RBFOX3: variants seen among roughly 807,000 people sequenced by gnomAD.
RBFOX3 encodes RNA binding protein fox-1 homolog 3.
RBFOX3 carries 17 observed loss-of-function variants against 48.7 expected under a neutral mutation model. The observed-to-expected ratio is 0.35, with a 90% CI of 0.24 to 0.52. The LOEUF (loss-of-function observed/expected upper bound fraction) is 0.52. Ranked by LOEUF, RBFOX3 falls within the 20% of genes least tolerant of loss-of-function variation. The pLI, the probability that RBFOX3 is intolerant of heterozygous loss-of-function variation, is 0.94. For missense variants in RBFOX3, 382 were observed against 497.5 expected, an observed-to-expected ratio of 0.77 and a Z score of 2.21; for synonymous variants, 212 against 209.5, an observed-to-expected ratio of 1.01 and a Z score of -0.10.
intron 3 of RBFOX3, among the ~76,000 whole-genome samples, chr17:79,269,416 T>C (rs2067276621): frequency 6.6e-6 from 1 of 152,122 alleles, no homozygotes; most frequent in African/African-American, 2.4e-5. Flanking sequence ...AAGTCACAGG[T>C]CACTGTCCAG....
At chr17:79,468,937 A>AGGATGGAT (rs199614550) in intron 2 of RBFOX3, among the ~76,000 whole-genome samples, 965 of 90,022 alleles carry the variant, frequency 0.011, 9 homozygotes, top group African/African-American at 0.03. Flanking sequence ...TAGAGACGGG[A>AGGATGGAT]GGATGGATGG....
chr17:79,109,338 G>A (rs143241645), intron 5 of RBFOX3, among the ~76,000 whole-genome samples: 1 of 152,284 alleles, frequency 6.6e-6, no homozygotes, highest in Non-Finnish European at 1.5e-5. Context: ...ACAGGCCTCC[G>A]GAGACTCCTG....
At chr17:79,367,488 C>T (rs192217577) in intron 2 of RBFOX3, among the ~76,000 whole-genome samples, 2 of 151,990 alleles carry the variant, frequency 1.3e-5, no homozygotes, top group South Asian at 2.1e-4. Context: ...CAGCAGTTAG[C>T]GATGAGCACT....
At chr17:79,422,977 G>A (rs909902755) in intron 2 of RBFOX3, among the ~76,000 whole-genome samples, 1 of 151,798 alleles carries the variant, frequency 6.6e-6, no homozygotes, top group African/African-American at 2.4e-5. Context: ...ACGTGAGGTC[G>A]CAGGGAGAAG....
chr17:79,387,350 TAAC>T (rs1415962207), intron 2 of RBFOX3, among the ~76,000 whole-genome samples: 1 of 152,238 alleles, frequency 6.6e-6, no homozygotes, highest in Non-Finnish European at 1.5e-5. Context: ...CCTATTATTC[TAAC>T]AACTCACAGG....
chr17:79,320,823 G>A (rs1055406876), intron 2 of RBFOX3, among the ~76,000 whole-genome samples: 1 of 151,724 alleles, frequency 6.6e-6, no homozygotes, highest in African/African-American at 2.4e-5. Flanking sequence ...CAACTTTGAG[G>A]TGCTGTTCTA....
At chr17:79,097,490 C>G in intron 10 of RBFOX3, 66 bp from the exon 11 acceptor site, 14 of 1,455,944 alleles carry the variant, frequency 9.6e-6, no homozygotes, top group Non-Finnish European at 1.1e-5. Flanking sequence ...ACCCCCTCCC[C>G]GTACACCTAG....
intron 4 of RBFOX3, among the ~76,000 whole-genome samples, chr17:79,122,287 A>C (rs531202790): frequency 1.3e-5 from 2 of 152,246 alleles, no homozygotes; most frequent in Admixed American, 1.3e-4. Flanking sequence ...TGTCCTCTGC[A>C]CAGTAGAACC....
In RBFOX3 at chr17:79,255,113, C is replaced by T. The variant is rs375227007; in HGVS notation, c.-73-19308G>A. Among the ~76,000 whole-genome samples, 366 of 152,274 alleles carry T rather than the reference C, an allele frequency of 2.4e-3. 1 individual carries two copies. The highest frequency in any genetic ancestry group is 8.1e-3 in the African/African-American group (337 of 41,552). The stretch of plus-strand genomic sequence containing the variant: ...TTGACCCCTCAGAAACTTGACCTCT[C>T]TCCAGGCTTTTCCTATGGGGCCTAC... On this transcript the variant is annotated intron_variant, in intron 3 of 14. Coordinates refer to ENST00000693108, the MANE Select transcript of RBFOX3 (RefSeq NM_001350451.2).
chr17:79,297,618 G>A (rs983017160), intron 3 of RBFOX3, among the ~76,000 whole-genome samples: 2 of 152,266 alleles, frequency 1.3e-5, no homozygotes, highest in African/African-American at 4.8e-5. Flanking sequence ...GGTGGCCATA[G>A]GCCAGGGCAC....
At chr17:79,638,115 A>G in the RBFOX3 span, among the ~76,000 whole-genome samples, 19 of 152,264 alleles carry the variant, frequency 1.2e-4, no homozygotes, top group African/African-American at 4.6e-4. Context: ...GCTTATTAAA[A>G]TAAATGCCTA....
At chr17:79,282,417 C>A (rs1333053137) in intron 3 of RBFOX3, among the ~76,000 whole-genome samples, 1 of 152,216 alleles carries the variant, frequency 6.6e-6, no homozygotes, top group Non-Finnish European at 1.5e-5. Context: ...CTCTCGGGAG[C>A]TTAATTTCAT....
chr17:79,441,811 C>T (rs1056484187), intron 2 of RBFOX3, among the ~76,000 whole-genome samples: 6 of 152,166 alleles, frequency 3.9e-5, no homozygotes, highest in African/African-American at 1.4e-4. Flanking sequence ...CCACAGGCCT[C>T]GGCCAGCCAG....
chr17:79,092,079 G>A, intron 14 of RBFOX3: 1 of 985,496 alleles, frequency 1.0e-6, no homozygotes, highest in Non-Finnish European at 1.2e-6. Context: ...CACACTGGGT[G>A]CCTGGAGCCC....
In RBFOX3 at chr17:79,202,545, C is replaced by A. The variant is rs972337515; in HGVS notation, c.-34+33221G>T. 1.3e-5 allele frequency among the ~76,000 whole-genome samples: 2 copies of A among 152,226 alleles called. 1 individual carries two copies. Among genetic ancestry groups the A allele is most frequent in the Admixed American group, 1.3e-4 (2 of 15,292 alleles). On this transcript the variant is annotated intron_variant, in intron 4 of 14. Coordinates refer to ENST00000693108, the MANE Select transcript of RBFOX3 (RefSeq NM_001350451.2). ...GAATTCTTACAACAACCCCATGGGA[C>A]GGTTATGACTATGTCAGTGTTACAT...
chr17:79,161,609 T>C (rs1442493115), intron 4 of RBFOX3, among the ~76,000 whole-genome samples: 1 of 152,172 alleles, frequency 6.6e-6, no homozygotes, highest in Non-Finnish European at 1.5e-5. Context: ...TGTGTGTGTT[T>C]TTTTGAGACA....
intron 4 of RBFOX3, among the ~76,000 whole-genome samples, chr17:79,149,746 CG>C (rs1414177487): frequency 6.6e-6 from 1 of 151,296 alleles, no homozygotes; most frequent in Non-Finnish European, 1.5e-5. Flanking sequence ...GGTCAGTAAA[CG>C]GACCTGCAGG....
chr17:79,259,256 G>A (rs1020603202), intron 3 of RBFOX3, among the ~76,000 whole-genome samples: 1 of 152,238 alleles, frequency 6.6e-6, no homozygotes, highest in African/African-American at 2.4e-5. Flanking sequence ...CCCAGGGGCT[G>A]TGCTGTCCTC....
intron 4 of RBFOX3, among the ~76,000 whole-genome samples, chr17:79,230,752 T>C (rs1329074108): frequency 2.0e-5 from 3 of 152,088 alleles, no homozygotes; most frequent in Non-Finnish European, 4.4e-5. Flanking sequence ...CGAGTGCTTC[T>C]GACAGCCCTG....
Sources: gnomAD v4.1 joint callset for allele counts (sites outside exome capture counted in the v4.1 genomes callset) on GRCh38, gnomAD v4.1.1 for gene constraint, MANE v1.5 for transcripts, NCBI Gene and HGNC (gene_info 2026-07-23, HGNC 2026-07-21) for gene names.